Variants in RCOR1 observed in about 807,000 individuals in gnomAD.
RCOR1 encodes REST corepressor.
A neutral mutation model predicts 64.0 loss-of-function variants in RCOR1; 12 were observed. The observed-to-expected ratio is 0.19, with a 90% CI of 0.12 to 0.30. The LOEUF is 0.30. RCOR1 is among the 10% of genes least tolerant of loss of function. The pLI, the probability that RCOR1 is intolerant of heterozygous loss-of-function variation, is 1.00. For missense variants in RCOR1, 502 were observed against 621.2 expected (o/e 0.81, Z 2.04); for synonymous variants, 279 against 227.2 (o/e 1.23, Z -2.05).
chr14:102,680,223 ATAT>A (rs1895276900), intron 2 of RCOR1, among the ~76,000 whole-genome samples: 2 of 151,882 alleles, frequency 1.3e-5, no homozygotes, highest in Non-Finnish European at 2.9e-5. Context: ...TTTACTATTA[ATAT>A]TATTTCCTAC....
intron 3 of RCOR1, among the ~76,000 whole-genome samples, chr14:102,692,820 C>T (rs987036152): frequency 2.8e-5 from 4 of 142,894 alleles, no homozygotes; most frequent in Non-Finnish European, 6.0e-5. Flanking sequence ...GGCTGGAGTG[C>T]ATTGGCACAG....
intron 2 of RCOR1, among the ~76,000 whole-genome samples, chr14:102,658,315 T>C (rs1044278820): frequency 6.6e-6 from 1 of 151,904 alleles, no homozygotes; most frequent in Non-Finnish European, 1.5e-5. Context: ...TGCGGTGGCT[T>C]TAATCCATAT....
At chr14:102,663,629 C>G (rs1035393745) in intron 2 of RCOR1, among the ~76,000 whole-genome samples, 10 of 151,796 alleles carry the variant, frequency 6.6e-5, no homozygotes, top group Admixed American at 3.3e-4. Context: ...GCTTTTTTTT[C>G]TCTTGGATTG....
In RCOR1 at chr14:102,634,708, A is replaced by T. The variant is rs562255744; in HGVS notation, c.361+41383A>T. Among the ~76,000 whole-genome samples the T allele has an allele frequency of 4.9e-3, 733 of 150,376 alleles. 8 individuals are homozygous for T. Among genetic ancestry groups the T allele is most frequent in the African/African-American group, 0.017 (704 of 40,902 alleles). ...TATATATATGTGTGTATATATATAT[A>T]TTTTTTGGGACAGAGTCTTGCTCTA... On this transcript the variant is annotated intron_variant, in intron 2 of 11. Transcript: ENST00000262241.
intron 2 of RCOR1, chr14:102,657,941 A>T: frequency 1.0e-6 from 1 of 981,292 alleles, no homozygotes; most frequent in Non-Finnish European, 1.2e-6. Flanking sequence ...AGTTTTCTTT[A>T]TGAGGGGTGT....
chr14:102,643,464 G>A (rs191448812), intron 2 of RCOR1: 1 of 288,842 alleles, frequency 3.5e-6, no homozygotes, highest in East Asian at 1.7e-4. Flanking sequence ...ATTAATGCAT[G>A]GTAATTACCT....
intron 3 of RCOR1, among the ~76,000 whole-genome samples, chr14:102,697,929 C>T (rs888704365): frequency 6.6e-6 from 1 of 152,120 alleles, no homozygotes; most frequent in Admixed American, 6.5e-5. Flanking sequence ...CCATGTTGGC[C>T]GGGCTGGTCT....
At chr14:102,723,946 G>A (rs1896213216) in intron 11 of RCOR1, among the ~76,000 whole-genome samples, 2 of 152,258 alleles carry the variant, frequency 1.3e-5, no homozygotes, top group South Asian at 2.1e-4. Context: ...CCTACCAACA[G>A]GATGTCAGTT....
At chr14:102,619,359 ATTCAC>A (rs778477499) in intron 2 of RCOR1, among the ~76,000 whole-genome samples, 2 of 151,452 alleles carry the variant, frequency 1.3e-5, no homozygotes, top group Admixed American at 6.6e-5. Context: ...ACCTCAGGTG[ATTCAC>A]CTCCCTCAGC....
chr14:102,666,896 G>A (rs1172234201), intron 2 of RCOR1, among the ~76,000 whole-genome samples: 1 of 152,120 alleles, frequency 6.6e-6, no homozygotes, highest in Non-Finnish European at 1.5e-5. Flanking sequence ...CAGCTGTAAA[G>A]TACTCTTCCA....
intron 2 of RCOR1, among the ~76,000 whole-genome samples, chr14:102,656,768 G>A (rs1030451230): frequency 6.8e-6 from 1 of 147,616 alleles, no homozygotes; most frequent in African/African-American, 2.5e-5. Context: ...CTCAGAAAAG[G>A]TTTCTTTTCT....
chr14:102,712,443 C>T (rs919967751), intron 7 of RCOR1, among the ~76,000 whole-genome samples: 1 of 151,596 alleles, frequency 6.6e-6, no homozygotes, highest in East Asian at 1.9e-4. Context: ...TATTTGTATA[C>T]GTAGCTATAT....
At chr14:102,710,850 A>G in intron 6 of RCOR1, 85 bp from the exon 7 acceptor site, 1 of 926,132 alleles carries the variant, frequency 1.1e-6, no homozygotes, top group Non-Finnish European at 1.7e-6. Flanking sequence ...AAATTAGTAC[A>G]AAATTTTCAG....
rs551106336 is a variant in RCOR1 at position 102,674,834 on chromosome 14, G to T, written c.362-7061G>T. Among the ~76,000 whole-genome samples the T allele has an allele frequency of 2.2e-3, 339 of 152,096 alleles. 1 individual carries two copies. The highest frequency in any genetic ancestry group is 7.6e-3 in the African/African-American group (316 of 41,474). ...TCATGCCTGTAATCCCAGCACTTTG[G>T]GAGGCCGAGGCGGGCGGATCATGAG... On this transcript the variant is annotated intron_variant, in intron 2 of 11. Coordinates refer to ENST00000262241, the MANE Select transcript of RCOR1 (RefSeq NM_015156.4).
intron 10 of RCOR1, 84 bp downstream of exon 10, chr14:102,721,461 C>A: frequency 1.0e-6 from 1 of 997,814 alleles, no homozygotes; most frequent in Non-Finnish European, 1.6e-6. Flanking sequence ...AAGGTTGACG[C>A]ATTTGCTTGA....
chr14:102,634,026 G>C (rs1271564418), intron 2 of RCOR1, among the ~76,000 whole-genome samples: 1 of 152,102 alleles, frequency 6.6e-6, no homozygotes, highest in Non-Finnish European at 1.5e-5. Context: ...TGTGCCTCAA[G>C]GAGGTAGGGT....
In RCOR1 at chr14:102,720,589, C is replaced by T. The variant is rs114582740; in HGVS notation, c.1054-418C>T. 6.9e-3 allele frequency among the ~76,000 whole-genome samples: 1,054 copies of T among 152,246 alleles called. 8 individuals are homozygous for T. Among genetic ancestry groups the T allele is most frequent in the African/African-American group, 0.024 (1,010 of 41,548 alleles). ...TCTTGGGGCGCTGTGAGGCTGCACC[C>T]GCAGTTCTGTTGTAAAGACTGGGCC... On this transcript the variant is annotated intron_variant, in intron 8 of 11. Transcript: ENST00000262241.
At chr14:102,622,101 C>G (rs1567411198) in intron 2 of RCOR1, among the ~76,000 whole-genome samples, 1 of 152,130 alleles carries the variant, frequency 6.6e-6, no homozygotes, top group African/African-American at 2.4e-5. Flanking sequence ...ACATTAGAAA[C>G]AGTGGAAAAT....
chr14:102,650,498 G>C (rs1412611947), intron 2 of RCOR1, among the ~76,000 whole-genome samples: 4 of 152,124 alleles, frequency 2.6e-5, no homozygotes, highest in African/African-American at 9.7e-5. Context: ...ATCAGAGGAA[G>C]AGAGTAGGAA....
Sources: allele counts gnomAD v4.1 joint callset (sites outside exome capture counted in the v4.1 genomes callset), GRCh38; gene constraint gnomAD v4.1.1; transcripts MANE v1.5; gene names NCBI Gene and HGNC (gene_info 2026-07-23, HGNC 2026-07-21).